MSR1: variants seen among roughly 807,000 people sequenced by gnomAD.
The protein encoded by MSR1 is macrophage scavenger receptor 1, also known as macrophage scavenger receptor types I and II.
Under a neutral mutation model 47.2 loss-of-function variants are expected in MSR1, and 53 were observed. The observed-to-expected ratio is 1.12, with a 90% CI of 0.90 to 1.41. The LOEUF is 1.41. MSR1 is among the 40% of genes most tolerant of loss of function. The probability of loss-of-function intolerance (pLI) is 0.00; values close to 1 mark genes in which losing one functional copy is unlikely to be tolerated. For synonymous variants in MSR1, 239 were observed against 185.6 expected, an observed-to-expected ratio of 1.29 and a Z score of -2.34; for missense variants, 786 against 546.9, an observed-to-expected ratio of 1.44 and a Z score of -4.36.
intron 5 of MSR1, among the ~76,000 whole-genome samples, chr8:16,157,566 T>C (rs983631363): frequency 2.0e-5 from 3 of 151,970 alleles, no homozygotes; most frequent in Admixed American, 6.6e-5. Context: ...TTTTTGTACA[T>C]TGTTATAGAT....
intron 9 of MSR1, among the ~76,000 whole-genome samples, chr8:16,114,623 T>A (rs1799834406): frequency 6.6e-6 from 1 of 152,112 alleles, no homozygotes; most frequent in Admixed American, 6.5e-5. Context: ...TAGATGCCCC[T>A]CAGTGCTTCC....
intron 3 of MSR1, among the ~76,000 whole-genome samples, chr8:16,174,319 A>C (rs1801576792): frequency 6.6e-6 from 1 of 152,144 alleles, no homozygotes; most frequent in Admixed American, 6.5e-5. Context: ...CCTATCTCTT[A>C]TTAGAGCACA....
intron 1 of MSR1, among the ~76,000 whole-genome samples, chr8:16,185,996 C>A (rs1193743487): frequency 6.6e-6 from 1 of 152,020 alleles, no homozygotes; most frequent in Non-Finnish European, 1.5e-5. Flanking sequence ...TGGAAAAGAA[C>A]AAAGAAGTTC....
intron 2 of MSR1, among the ~76,000 whole-genome samples, chr8:16,176,244 C>T (rs976898760): frequency 1.3e-5 from 2 of 152,076 alleles, no homozygotes; most frequent in African/African-American, 2.4e-5. Flanking sequence ...CAGTGGCTCA[C>T]GCCTGTAATC....
In MSR1 at chr8:16,120,366, G is replaced by A. The variant is rs372905688; in HGVS notation, c.1222+52C>T. The A allele has an allele frequency of 1.6e-4, 248 of 1,576,020 alleles. 1 individual carries two copies. The highest frequency in any genetic ancestry group is 2.0e-4 in the Non-Finnish European group (233 of 1,146,698). ...CACTCCAGTCTGGGCGACAGAATGA[G>A]ACTCTGTCTGAAACAACAACAACAA... On this transcript the variant is annotated intron_variant, in intron 9 of 9. Transcript: ENST00000262101.
intron 8 of MSR1, chr8:16,140,089 G>GA (rs1180360061): frequency 6.1e-6 from 6 of 976,900 alleles, no homozygotes; most frequent in Admixed American, 6.2e-5. Context: ...GTGAATTAAT[G>GA]ATTGAATGAA....
At chr8:16,111,931 C>G (rs1194830406) in intron 9 of MSR1, among the ~76,000 whole-genome samples, 1 of 151,962 alleles carries the variant, frequency 6.6e-6, no homozygotes, top group Non-Finnish European at 1.5e-5. Flanking sequence ...ACTGCAACCT[C>G]CTTCATTATT....
chr8:16,139,315 C>T (rs552816504), intron 8 of MSR1: 1 of 982,306 alleles, frequency 1.0e-6, no homozygotes, highest in East Asian at 1.1e-4. Flanking sequence ...GCGAAGCATA[C>T]CTTACATCTT....
chr8:16,117,045 A>G (rs1330615705), intron 9 of MSR1, among the ~76,000 whole-genome samples: 3 of 152,064 alleles, frequency 2.0e-5, no homozygotes, highest in African/African-American at 4.8e-5. Context: ...TAGTTTCTTA[A>G]AGCAGGGGTC....
chr8:16,157,875 T>C (rs1801054316), intron 5 of MSR1, among the ~76,000 whole-genome samples: 1 of 151,966 alleles, frequency 6.6e-6, no homozygotes, highest in South Asian at 2.1e-4. Context: ...GGCTTTCTTC[T>C]TCTTTTTGAT....
intron 4 of MSR1, among the ~76,000 whole-genome samples, chr8:16,166,705 T>C (rs572410503): frequency 1.1e-4 from 16 of 152,260 alleles, no homozygotes; most frequent in South Asian, 4.1e-4. Flanking sequence ...CACCCCTGTC[T>C]TTCATTTGGT....
chr8:16,143,422 A>T, intron 8 of MSR1, 136 bp downstream of exon 8: 1 of 646,288 alleles, frequency 1.5e-6, no homozygotes, highest in Non-Finnish European at 2.7e-6. Context: ...ATTTGTAGAA[A>T]ATTATGTTTG....
At chr8:16,137,160 C>T (rs1195874940) in intron 8 of MSR1, among the ~76,000 whole-genome samples, 1 of 152,106 alleles carries the variant, frequency 6.6e-6, no homozygotes, top group Non-Finnish European at 1.5e-5. Flanking sequence ...AGCTCTTCCC[C>T]AGGTGCACAT....
chr8:16,129,755 C>A (rs1455176974), intron 8 of MSR1, among the ~76,000 whole-genome samples: 1 of 113,944 alleles, frequency 8.8e-6, no homozygotes, highest in African/African-American at 2.6e-5. Flanking sequence ...CCTCAACACG[C>A]CCTAAAAAAG....
chr8:16,171,262 A>G (rs1012058648), intron 3 of MSR1, among the ~76,000 whole-genome samples: 1 of 150,066 alleles, frequency 6.7e-6, no homozygotes, highest in African/African-American at 2.4e-5. Flanking sequence ...AAGCTGTTTG[A>G]TAAGCATTAC....
chr8:16,155,072 C>G lies in MSR1; in HGVS notation c.890G>C (p.Gly297Ala). Reference sequence around the variant, plus strand: ...AGCTAAAATTACCATACCTATTGGACCTGGAAATCCTCGTGGACCACTTTC... The same window carrying G: ...AGCTAAAATTACCATACCTATTGGAGCTGGAAATCCTCGTGGACCACTTTC... ...TGESGPRGFPGPIGPPGLKGD... is the reference protein window; with the variant it reads ...TGESGPRGFPAPIGPPGLKGD... Residue 297 changes from glycine to alanine, a missense_variant, in exon 6 of 10, where the codon GGT (glycine) becomes GCT (alanine). Transcript: ENST00000262101. The G allele has an allele frequency of 6.2e-7, 1 of 1,611,392 alleles. No homozygotes were observed. Among genetic ancestry groups the G allele is most frequent in the Non-Finnish European group, 8.5e-7 (1 of 1,178,078 alleles).
chr8:16,147,821 C>T (rs1396442176), intron 7 of MSR1, among the ~76,000 whole-genome samples: 2 of 152,072 alleles, frequency 1.3e-5, no homozygotes, highest in Non-Finnish European at 2.9e-5. Context: ...ATTACCTCTG[C>T]CGTTGTTTTT....
chr8:16,112,994 A>T (rs184000362), intron 9 of MSR1, among the ~76,000 whole-genome samples: 1 of 130,874 alleles, frequency 7.6e-6, no homozygotes, highest in Non-Finnish European at 1.5e-5. Context: ...TCTATCGCCC[A>T]GGCTGGAGTG....
chr8:16,148,036 C>T (rs1367946388), intron 7 of MSR1, among the ~76,000 whole-genome samples: 1 of 152,104 alleles, frequency 6.6e-6, no homozygotes, highest in Non-Finnish European at 1.5e-5. Context: ...CCAACACCTA[C>T]AATAGTTTTA....
Sources: gnomAD v4.1 joint callset for allele counts (sites outside exome capture counted in the v4.1 genomes callset) on GRCh38, gnomAD v4.1.1 for gene constraint, MANE v1.5 for transcripts, NCBI Gene and HGNC (gene_info 2026-07-23, HGNC 2026-07-21) for gene names.